Variants in AKAIN1 observed in about 807,000 individuals in gnomAD.
The protein encoded by AKAIN1 is A-kinase anchor protein inhibitor 1.
Under a neutral mutation model 3.7 loss-of-function variants are expected in AKAIN1, and 3 were observed. The observed-to-expected ratio is 0.82, with a 90% CI of 0.37 to 2.12. The LOEUF is 2.12. Ranked by LOEUF, AKAIN1 falls within the 30% of genes most tolerant of loss-of-function variation. The pLI is 0.06. For missense variants in AKAIN1, 82 were observed against 82.7 expected (o/e 0.99, Z 0.03); for synonymous variants, 31 against 30.8 (o/e 1.01, Z -0.02).
At chr18:5,196,962 C>CT (rs1369153022) in intron 1 of AKAIN1, 76 bp downstream of exon 1, 31 of 1,335,372 alleles carry the variant, frequency 2.3e-5, no homozygotes, top group Non-Finnish European at 3.2e-5. Context: ...GTAAAGAGGC[C>CT]TTTTTTCCCT....
At chr18:5,174,933 C>T (rs1448656681) in intron 1 of AKAIN1, among the ~76,000 whole-genome samples, 1 of 152,082 alleles carries the variant, frequency 6.6e-6, no homozygotes, top group Admixed American at 6.6e-5. Flanking sequence ...ATCCTGTGCA[C>T]AGTAAGAGGT....
intron 1 of AKAIN1, among the ~76,000 whole-genome samples, chr18:5,155,461 T>C (rs2071102448): frequency 6.6e-6 from 1 of 152,220 alleles, no homozygotes; most frequent in Non-Finnish European, 1.5e-5. Flanking sequence ...TCAGCCAGAA[T>C]TCCTGTTCCC....
intron 1 of AKAIN1, among the ~76,000 whole-genome samples, chr18:5,156,537 C>T (rs967396545): frequency 6.6e-6 from 1 of 152,294 alleles, no homozygotes. Flanking sequence ...AGCTCCCAAC[C>T]TTTTGAAGAC....
At chr18:5,197,291 A>T, upstream of AKAIN1, 1 of 1,368,726 alleles carries the variant, frequency 7.3e-7, no homozygotes, top group Non-Finnish European at 9.4e-7. The surrounding 1 kb of genome is among the most constrained non-coding windows in gnomAD (Gnocchi z 6.9). Context: ...AGGAGGGTGA[A>T]TCCCCGCTCA....
At chr18:5,160,864 A>G (rs965193920) in intron 1 of AKAIN1, among the ~76,000 whole-genome samples, 8 of 152,102 alleles carry the variant, frequency 5.3e-5, no homozygotes, top group Non-Finnish European at 1.2e-4. Context: ...AAGTATCCAT[A>G]TATGTGGTGG....
At chr18:5,164,744 G>A (rs1449234440) in intron 1 of AKAIN1, among the ~76,000 whole-genome samples, 5 of 152,072 alleles carry the variant, frequency 3.3e-5, no homozygotes, top group African/African-American at 9.6e-5. Context: ...TGCCTTATGA[G>A]TAATGCATAC....
intron 1 of AKAIN1, among the ~76,000 whole-genome samples, chr18:5,156,219 A>G (rs541126572): frequency 6.6e-6 from 1 of 152,264 alleles, no homozygotes; most frequent in East Asian, 1.9e-4. Flanking sequence ...CAATATGAGC[A>G]CTATGAGTGA....
rs184787912 is a variant in AKAIN1, at chr18:5,174,833, G to A, written c.16+22205C>T. On this transcript the variant is annotated intron_variant, in intron 1 of 1. Coordinates refer to ENST00000434239, the MANE Select transcript of AKAIN1 (RefSeq NM_001145194.2). Reference sequence around the variant, plus strand: ...CCACCACGGGAACAACTCTACTGAAGAGGAGGAAACTGGCCTCATGTGCAG... The same window carrying A: ...CCACCACGGGAACAACTCTACTGAAAAGGAGGAAACTGGCCTCATGTGCAG... 1.4e-3 allele frequency among the ~76,000 whole-genome samples: 215 copies of A among 152,266 alleles called. 1 individual carries two copies. Among genetic ancestry groups the A allele is most frequent in the Non-Finnish European group, 1.8e-3 (121 of 68,010 alleles).
chr18:5,192,348 G>T (rs1687222005), intron 1 of AKAIN1, among the ~76,000 whole-genome samples: 1 of 151,834 alleles, frequency 6.6e-6, no homozygotes, highest in African/African-American at 2.4e-5. Context: ...CTCCCTAGTA[G>T]CTGGAACTAC....
intron 1 of AKAIN1, among the ~76,000 whole-genome samples, chr18:5,183,284 T>C (rs551140358): frequency 6.6e-6 from 1 of 152,142 alleles, no homozygotes; most frequent in Admixed American, 6.6e-5. Flanking sequence ...AAAATTTTTG[T>C]TACAAAAATA....
At chr18:5,190,605 C>A (rs1015361367) in intron 1 of AKAIN1, among the ~76,000 whole-genome samples, 2 of 151,952 alleles carry the variant, frequency 1.3e-5, no homozygotes, top group African/African-American at 4.8e-5. Flanking sequence ...AATAGTAGCC[C>A]AATCTGTTTG....
intron 1 of AKAIN1, among the ~76,000 whole-genome samples, chr18:5,176,587 C>G (rs186079132): frequency 1.3e-5 from 2 of 152,280 alleles, no homozygotes; most frequent in East Asian, 3.9e-4. Flanking sequence ...CATTTAAGAT[C>G]ATTTCCTGAA....
intron 1 of AKAIN1, among the ~76,000 whole-genome samples, chr18:5,183,137 G>T (rs1048086953): frequency 9.2e-5 from 14 of 151,926 alleles, no homozygotes; most frequent in African/African-American, 2.7e-4. Context: ...TCATCTGAAA[G>T]GAAAAATATA....
intron 1 of AKAIN1, among the ~76,000 whole-genome samples, chr18:5,175,733 G>A (rs2071222424): frequency 6.6e-6 from 1 of 152,144 alleles, no homozygotes; most frequent in Admixed American, 6.5e-5. Flanking sequence ...TTCAGCATAT[G>A]AGTTTAATTT....
chr18:5,172,779 A>C lies in AKAIN1; in HGVS notation c.16+24259T>G, dbSNP rs148907301. 3.6e-3 allele frequency among the ~76,000 whole-genome samples: 545 copies of C among 152,098 alleles called. 3 individuals are homozygous for C. Among genetic ancestry groups the C allele is most frequent in the African/African-American group, 0.012 (519 of 41,550 alleles). On this transcript the variant is annotated intron_variant, in intron 1 of 1. Coordinates refer to ENST00000434239, the MANE Select transcript of AKAIN1 (RefSeq NM_001145194.2). ...ATTTCTAAGGAGCTTAACTCAATTA[A>C]TTTATACCATATTTATAAAACCCCC...
chr18:5,191,481 T>C (rs1204368925), intron 1 of AKAIN1, among the ~76,000 whole-genome samples: 1 of 152,166 alleles, frequency 6.6e-6, no homozygotes, highest in Admixed American at 6.6e-5. Flanking sequence ...AAAATTCTGA[T>C]GAAATGAAGA....
upstream of AKAIN1, chr18:5,197,424 C>A (rs1276920424): frequency 2.4e-6 from 3 of 1,248,850 alleles, no homozygotes; most frequent in African/African-American, 4.8e-5. The surrounding 1 kb of genome is among the most constrained non-coding windows in gnomAD (Gnocchi z 6.9). Context: ...AACTTCCCGG[C>A]AGGGGACAGT....
intron 1 of AKAIN1, among the ~76,000 whole-genome samples, chr18:5,191,511 G>A (rs1025126212): frequency 2.6e-5 from 4 of 152,068 alleles, no homozygotes; most frequent in African/African-American, 7.2e-5. Context: ...TAAACTAAGA[G>A]ACACATCTGT....
At chr18:5,185,996 C>T (rs2071285126) in intron 1 of AKAIN1, among the ~76,000 whole-genome samples, 2 of 152,186 alleles carry the variant, frequency 1.3e-5, no homozygotes, top group East Asian at 1.9e-4. Flanking sequence ...TACTACACAA[C>T]CATAAAAAAG....
Sources: allele counts gnomAD v4.1 joint callset (sites outside exome capture counted in the v4.1 genomes callset), GRCh38; gene constraint gnomAD v4.1.1; non-coding constraint Gnocchi (gnomAD v3.1); transcripts MANE v1.5; gene names NCBI Gene and HGNC (gene_info 2026-07-23, HGNC 2026-07-21).